The following NAV3 variants were observed in gnomAD, a reference collection of about 807,000 sequenced individuals.
NAV3 encodes pore membrane and/or filament interacting like protein 1.
In NAV3, 87 loss-of-function variants were observed where a neutral mutation model predicts 244.7. The observed-to-expected ratio is 0.36, with a 90% CI of 0.30 to 0.42. NAV3 has a LOEUF of 0.42. Ranked by LOEUF, NAV3 falls within the 20% of genes least tolerant of loss-of-function variation. The pLI, the probability that NAV3 is intolerant of heterozygous loss-of-function variation, is 1.00. For synonymous variants in NAV3, 1,126 were observed against 1,042.2 expected (o/e 1.08, Z -1.55); for missense variants, 2,663 against 2,893.3 (o/e 0.92, Z 1.83).
At chr12:77,942,141 G>A (rs1565942507) in intron 3 of NAV3, among the ~76,000 whole-genome samples, 3 of 152,234 alleles carry the variant, frequency 2.0e-5, no homozygotes, top group African/African-American at 7.2e-5. Context: ...GGGATGCCAA[G>A]GCGGGTGGAT....
intron 1 of NAV3, among the ~76,000 whole-genome samples, chr12:77,837,326 G>T (rs997064963): frequency 4.0e-5 from 6 of 151,748 alleles, no homozygotes; most frequent in Admixed American, 1.3e-4. Context: ...AAAACAGCAG[G>T]TAGACAATGG....
intron 2 of NAV3, among the ~76,000 whole-genome samples, chr12:77,686,991 A>T (rs1028652718): frequency 6.6e-6 from 1 of 152,134 alleles, no homozygotes; most frequent in Non-Finnish European, 1.5e-5. Context: ...TTTCCATAAC[A>T]ATCTTTACAT....
intron 5 of NAV3, among the ~76,000 whole-genome samples, chr12:77,978,417 G>A (rs1039291705): frequency 3.3e-5 from 5 of 151,932 alleles, no homozygotes; most frequent in Non-Finnish European, 5.9e-5. Context: ...CTAACCACAG[G>A]TACTACGTAT....
At chr12:78,130,741 G>A (rs1360920854) in intron 18 of NAV3, 1 of 152,758 alleles carries the variant, frequency 6.5e-6, no homozygotes, top group African/African-American at 2.4e-5. Context: ...CAGATCTGCA[G>A]CCCCTCTTGC....
At chr12:77,576,647 C>A (rs1051341968) in intron 2 of NAV3, among the ~76,000 whole-genome samples, 3 of 151,818 alleles carry the variant, frequency 2.0e-5, no homozygotes, top group African/African-American at 7.3e-5. Context: ...ATATACAAGT[C>A]AAAAAGTGTT....
At chr12:77,618,252 A>G (rs1871220263) in intron 2 of NAV3, among the ~76,000 whole-genome samples, 1 of 152,226 alleles carries the variant, frequency 6.6e-6, no homozygotes, top group South Asian at 2.1e-4. Flanking sequence ...TAACAAATTC[A>G]TGACCCATAG....
intron 2 of NAV3, among the ~76,000 whole-genome samples, chr12:77,622,493 A>G (rs1371550399): frequency 6.9e-6 from 1 of 145,114 alleles, no homozygotes; most frequent in East Asian, 2.1e-4. Flanking sequence ...CACCACATTG[A>G]TCAAGGTCCC....
At chr12:77,794,888 C>T (rs982162487) in intron 2 of NAV3, among the ~76,000 whole-genome samples, 4 of 152,186 alleles carry the variant, frequency 2.6e-5, no homozygotes, top group African/African-American at 4.8e-5. Context: ...GACAGCTCCA[C>T]CAATCGGCCA....
chr12:78,105,130 T>C (rs768011209), intron 12 of NAV3, among the ~76,000 whole-genome samples: 19 of 152,138 alleles, frequency 1.2e-4, no homozygotes, highest in Admixed American at 6.5e-4. Flanking sequence ...GGGATAAATG[T>C]GTCTTTCTTA....
At chr12:78,144,912 C>CAAAAAAAAAAAAAA (rs755345560) in intron 20 of NAV3, 24 of 66,292 alleles carry the variant, frequency 3.6e-4, no homozygotes, top group East Asian at 7.5e-4. Flanking sequence ...GATCCTGTCT[C>CAAAAAAAAAAAAAA]AAAAAAAAAA....
chr12:78,205,047 CAGA>C lies in NAV3; in HGVS notation c.6951_6953del (p.Glu2317del), dbSNP rs757327865. ...AGCCCAGCCTTACTTCAGCTGCGAC[CAGA>C]AGATGTTGGGTATGAAAGCTGCACA... On this transcript the variant is annotated inframe_deletion, in exon 39 of 40. Transcript: ENST00000397909. 6 of 1,613,432 alleles carry C rather than the reference CAGA, an allele frequency of 3.7e-6. No homozygotes were observed. Among genetic ancestry groups the C allele is most frequent in the Non-Finnish European group, 5.1e-6 (6 of 1,179,770 alleles).
At chr12:78,210,244 G>A (rs938376938) in intron 39 of NAV3, among the ~76,000 whole-genome samples, 154 bp from the exon 40 acceptor site, 1 of 152,132 alleles carries the variant, frequency 6.6e-6, no homozygotes, top group Non-Finnish European at 1.5e-5. Context: ...AACAGCATAG[G>A]AGCCAGGGGC....
At chr12:78,090,666 T>C (rs983201667) in intron 12 of NAV3, among the ~76,000 whole-genome samples, 5 of 152,134 alleles carry the variant, frequency 3.3e-5, no homozygotes, top group African/African-American at 1.2e-4. Context: ...ACCATATATA[T>C]TTTTTAAAAA....
intron 9 of NAV3, among the ~76,000 whole-genome samples, chr12:78,040,348 A>T (rs1030956702): frequency 2.6e-5 from 4 of 152,182 alleles, no homozygotes; most frequent in African/African-American, 9.6e-5. Context: ...GTCATGATGA[A>T]AAAAACCTAA....
intron 9 of NAV3, among the ~76,000 whole-genome samples, chr12:78,047,414 G>A (rs972693696): frequency 6.6e-6 from 1 of 152,168 alleles, no homozygotes; most frequent in African/African-American, 2.4e-5. Flanking sequence ...GTGAACCCGG[G>A]AGGCGGAGCT....
chr12:78,177,003 G>A, intron 26 of NAV3, 138 bp from the exon 27 acceptor site: 1 of 749,950 alleles, frequency 1.3e-6, no homozygotes, highest in South Asian at 1.6e-5. Flanking sequence ...TAGAGATACT[G>A]TGCTGCAATT....
At chr12:78,050,656 G>T (rs1210475111) in intron 10 of NAV3, 108 bp from the exon 11 acceptor site, 1 of 1,123,470 alleles carries the variant, frequency 8.9e-7, no homozygotes, top group Non-Finnish European at 1.3e-6. Context: ...GGAAGATGAC[G>T]TGTTTATAAG....
chr12:78,083,083 A>C (rs1953443697), intron 12 of NAV3, among the ~76,000 whole-genome samples: 1 of 152,224 alleles, frequency 6.6e-6, no homozygotes, highest in South Asian at 2.1e-4. Flanking sequence ...ATGAAGGCTG[A>C]GAAGTTCAAG....
At chr12:77,585,003 G>A (rs748672415) in intron 2 of NAV3, among the ~76,000 whole-genome samples, 33 of 152,296 alleles carry the variant, frequency 2.2e-4, no homozygotes, top group Non-Finnish European at 4.7e-4. Context: ...CTGAAAGTAG[G>A]GAGGGGCAGC....
Sources: gnomAD v4.1 joint callset for allele counts (sites outside exome capture counted in the v4.1 genomes callset) on GRCh38, gnomAD v4.1.1 for gene constraint, MANE v1.5 for transcripts, NCBI Gene and HGNC (gene_info 2026-07-23, HGNC 2026-07-21) for gene names.